FCN2: variants seen among roughly 807,000 people sequenced by gnomAD.
FCN2 encodes ficolin 2.
In FCN2, 31 loss-of-function variants were observed where a neutral mutation model predicts 32.5. That is an observed-to-expected ratio of 0.96 (90% CI 0.72 to 1.29). The LOEUF (loss-of-function observed/expected upper bound fraction) is 1.29, where lower values mean the gene tolerates loss of function less well. Ranked by LOEUF, FCN2 falls within the 50% of genes most tolerant of loss-of-function variation. The probability of loss-of-function intolerance (pLI) is 0.00; values close to 1 mark genes in which losing one functional copy is unlikely to be tolerated. For missense variants in FCN2, 412 were observed against 406.5 expected (o/e 1.01, Z -0.12); for synonymous variants, 181 against 164.5 (o/e 1.10, Z -0.77).
intron 3 of FCN2, among the ~76,000 whole-genome samples, chr9:134,883,661 G>A (rs920381983): frequency 2.7e-5 from 4 of 149,242 alleles, no homozygotes; most frequent in African/African-American, 5.0e-5. Context: ...CTCAATGTCG[G>A]AGGAGGGGTT....
intron 4 of FCN2, 131 bp from the exon 5 acceptor site, chr9:134,885,108 C>T (rs1456638175): frequency 1.5e-6 from 2 of 1,329,698 alleles, no homozygotes; most frequent in East Asian, 2.4e-5. Context: ...TGTCCCTGTC[C>T]AGGCCTCAGA....
chr9:134,883,194 G>C (rs1303923188), intron 2 of FCN2, 108 bp from the exon 3 acceptor site: 3 of 967,416 alleles, frequency 3.1e-6, no homozygotes, highest in African/African-American at 1.6e-5. Context: ...GTCGTAGCAC[G>C]AGCAGGGTCA....
At chr9:134,870,724 C>T in the FCN2 span, among the ~76,000 whole-genome samples, 1 of 152,138 alleles carries the variant, frequency 6.6e-6, no homozygotes, top group Non-Finnish European at 1.5e-5. This position sits in a 1 kb window ranked among gnomAD's most constrained non-coding sequence, Gnocchi z 4.3. Context: ...GTATAAGCCC[C>T]CAGACTCTGA....
the FCN2 span, among the ~76,000 whole-genome samples, chr9:134,869,046 T>C: frequency 6.6e-6 from 1 of 152,180 alleles, no homozygotes; most frequent in African/African-American, 2.4e-5. Context: ...AACTCCTAAA[T>C]TGTGTATTAA....
At chr9:134,876,009 G>A (rs566425395), upstream of FCN2, among the ~76,000 whole-genome samples, 5 of 152,306 alleles carry the variant, frequency 3.3e-5, no homozygotes, top group South Asian at 1.0e-3. Flanking sequence ...GGATGAAAAT[G>A]TTCAAATCTT....
At chr9:134,872,532 A>C in the FCN2 span, among the ~76,000 whole-genome samples, 2 of 152,232 alleles carry the variant, frequency 1.3e-5, no homozygotes, top group Non-Finnish European at 2.9e-5. Flanking sequence ...TAAAGGAAAG[A>C]GGTTTAATGG....
intron 3 of FCN2, 58 bp from the exon 4 acceptor site, chr9:134,884,682 G>T (rs199934582): frequency 1.5e-4 from 227 of 1,546,884 alleles, no homozygotes; most frequent in Non-Finnish European, 1.9e-4. Flanking sequence ...ACCAATGGGG[G>T]CTGAAGGGCT....
Position 134,887,509 on chromosome 9 carries a change from T to A in FCN2, c.*94T>A, listed in dbSNP as rs1830780305. ...CCCTACGGTTTGTAAAAGAAACACA[T>A]GTCGTGATTCTAAATTGGGTTTGTC... On this transcript the variant is annotated 3_prime_UTR_variant, in exon 8 of 8. Coordinates refer to ENST00000291744, the MANE Select transcript of FCN2 (RefSeq NM_004108.3). 8.2e-7 allele frequency: 1 copy of A among 1,217,376 alleles called. No homozygotes were observed. Among genetic ancestry groups the A allele is most frequent in the Non-Finnish European group, 1.2e-6 (1 of 840,174 alleles). 75.4% of individuals were successfully genotyped at this position (1,217,376 alleles called of 1,614,324 possible).
At chr9:134,875,872 C>A (rs1046677339), upstream of FCN2, among the ~76,000 whole-genome samples, 5 of 152,100 alleles carry the variant, frequency 3.3e-5, no homozygotes, top group African/African-American at 1.2e-4. Context: ...GACTCCTGAC[C>A]CACAAAAACT....
chr9:134,877,315 C>T (rs570198190), upstream of FCN2, among the ~76,000 whole-genome samples: 1 of 152,320 alleles, frequency 6.6e-6, no homozygotes, highest in East Asian at 1.9e-4. Context: ...GAACACCATG[C>T]AAACTGTATT....
the FCN2 span, among the ~76,000 whole-genome samples, chr9:134,874,400 T>A: frequency 6.6e-6 from 1 of 152,210 alleles, no homozygotes; most frequent in Non-Finnish European, 1.5e-5. Context: ...TTCTATATAG[T>A]GTGAGGTAGG....
At chr9:134,880,186 G>A (rs1358065115), upstream of FCN2, among the ~76,000 whole-genome samples, 1 of 152,144 alleles carries the variant, frequency 6.6e-6, no homozygotes, top group African/African-American at 2.4e-5. Context: ...TAGTCCCCCA[G>A]GCTCCCCACT....
chr9:134,882,593 TG>T lies in FCN2; in HGVS notation c.172del (p.Ala58ProfsTer42). The T allele has an allele frequency of 6.2e-7, 1 of 1,614,056 alleles. No homozygotes were observed. Among genetic ancestry groups the T allele is most frequent in the Non-Finnish European group, 8.5e-7 (1 of 1,179,980 alleles). ...TTCTCCGAGGCTGTCCGGGGCTGCC[TG>T]GGGCCCCTGGGCCCAAGGGAGAGGC... ...TILRGCPGLP[G>X]APGPKGEAGT... is the part of the protein sequence containing the mutation. On this transcript the variant is annotated frameshift_variant, in exon 2 of 8. Coordinates refer to ENST00000291744, the MANE Select transcript of FCN2 (RefSeq NM_004108.3). LOFTEE classifies it high-confidence loss of function.
At chr9:134,866,053 G>T in the FCN2 span, among the ~76,000 whole-genome samples, 1 of 151,060 alleles carries the variant, frequency 6.6e-6, no homozygotes, top group African/African-American at 2.4e-5. Flanking sequence ...TGTGAAAATG[G>T]CCATACTGCC....
chr9:134,873,753 C>T, the FCN2 span, among the ~76,000 whole-genome samples: 1 of 152,218 alleles, frequency 6.6e-6, no homozygotes, highest in African/African-American at 2.4e-5. Context: ...AAAATCCCAG[C>T]AGCCCTGGGT....
In FCN2 at chr9:134,887,303, G is replaced by C; in HGVS notation, c.830G>C (p.Gly277Ala). ...YKNCHVSNLN[G>A]RYLRGTHGSF... The stretch of plus-strand genomic sequence containing the variant: ...AACTGCCATGTGTCAAACCTGAATG[G>C]TCGCTACCTCAGGGGGACTCATGGC... The change falls in exon 8 of 8, where the codon GGT becomes GCT. Residue 277 changes from glycine (G) to alanine (A), a missense_variant. Coordinates refer to ENST00000291744, the MANE Select transcript of FCN2 (RefSeq NM_004108.3). 6.2e-7 allele frequency: 1 copy of C among 1,614,182 alleles called. No individual in the cohort carries two copies. The highest frequency in any genetic ancestry group is 8.5e-7 in the Non-Finnish European group (1 of 1,180,034).
At chr9:134,880,357 C>G (rs1193149310), upstream of FCN2, among the ~76,000 whole-genome samples, 1 of 152,178 alleles carries the variant, frequency 6.6e-6, no homozygotes, top group Non-Finnish European at 1.5e-5. Context: ...CAAGTCTGCT[C>G]ATGATGTGGT....
chr9:134,880,298 C>G (rs571229517), upstream of FCN2, among the ~76,000 whole-genome samples: 1 of 152,184 alleles, frequency 6.6e-6, no homozygotes, highest in Non-Finnish European at 1.5e-5. Flanking sequence ...ACCCTGGCAG[C>G]CTGCCTGGAC....
the FCN2 span, among the ~76,000 whole-genome samples, chr9:134,874,369 T>C: frequency 0.13 from 19,786 of 152,242 alleles, 1,419 homozygotes; most frequent in African/African-American, 0.2. Flanking sequence ...CTGAGAGCTA[T>C]GATCTATTTC....
Sources: allele counts gnomAD v4.1 joint callset (sites outside exome capture counted in the v4.1 genomes callset), GRCh38; gene constraint gnomAD v4.1.1; non-coding constraint Gnocchi (gnomAD v3.1); transcripts MANE v1.5; gene names NCBI Gene and HGNC (gene_info 2026-07-23, HGNC 2026-07-21).